Variants in PAX5 observed in about 807,000 individuals in gnomAD.
The protein encoded by PAX5 is paired box 5, also known as paired box protein Pax-5.
Under a neutral mutation model 43.7 loss-of-function variants are expected in PAX5, and 9 were observed. The observed-to-expected ratio is 0.21, with a 90% CI of 0.12 to 0.36. The LOEUF is 0.36. PAX5 is among the 10% of genes least tolerant of loss of function. The probability of loss-of-function intolerance (pLI) is 1.00; values close to 1 mark genes in which losing one functional copy is unlikely to be tolerated. For missense variants in PAX5, 383 were observed against 532.7 expected, an observed-to-expected ratio of 0.72 and a Z score of 2.77; for synonymous variants, 228 against 214.3, an observed-to-expected ratio of 1.06 and a Z score of -0.56.
chr9:36,849,631 G>C (rs1822952964), intron 8 of PAX5, among the ~76,000 whole-genome samples: 2 of 152,238 alleles, frequency 1.3e-5, no homozygotes, highest in African/African-American at 4.8e-5. Flanking sequence ...ACAGCCAGGG[G>C]TGTGTTGGAC....
At chr9:36,994,595 T>C (rs1238699587) in intron 5 of PAX5, among the ~76,000 whole-genome samples, 1 of 152,190 alleles carries the variant, frequency 6.6e-6, no homozygotes, top group Non-Finnish European at 1.5e-5. Flanking sequence ...CTGGTTTCTT[T>C]AGAGTTCATG....
intron 3 of PAX5, among the ~76,000 whole-genome samples, chr9:37,007,188 G>A (rs941466385): frequency 2.6e-5 from 4 of 152,204 alleles, no homozygotes; most frequent in Non-Finnish European, 4.4e-5. Flanking sequence ...CCACAGGGCT[G>A]GAGCCAGTGA....
intron 3 of PAX5, among the ~76,000 whole-genome samples, chr9:37,012,355 A>G (rs1380463788): frequency 1.3e-5 from 2 of 152,142 alleles, no homozygotes; most frequent in African/African-American, 2.4e-5. Flanking sequence ...TCTCCAAGTC[A>G]CTGTTCCTCT....
chr9:36,947,102 T>C (rs535267070), intron 6 of PAX5, among the ~76,000 whole-genome samples: 1 of 152,346 alleles, frequency 6.6e-6, no homozygotes, highest in East Asian at 1.9e-4. Flanking sequence ...AATGAATTTA[T>C]TCAGAGGAGC....
chr9:36,975,368 A>G (rs573889894), intron 5 of PAX5, among the ~76,000 whole-genome samples: 3 of 151,940 alleles, frequency 2.0e-5, no homozygotes, highest in South Asian at 4.2e-4. Context: ...TCACAAGCCC[A>G]TGATATTTGA....
intron 6 of PAX5, among the ~76,000 whole-genome samples, chr9:36,939,646 T>C (rs1831868533): frequency 6.6e-6 from 1 of 152,224 alleles, no homozygotes; most frequent in South Asian, 2.1e-4. Flanking sequence ...TTATGAAGTA[T>C]GGCCAGCTCC....
intron 6 of PAX5, among the ~76,000 whole-genome samples, chr9:36,925,164 G>A (rs986897242): frequency 2.0e-5 from 3 of 152,142 alleles, no homozygotes; most frequent in Admixed American, 2.0e-4. Flanking sequence ...TTACTTCCTG[G>A]GCAGCTAAAG....
Position 36,834,417 on chromosome 9 carries a change from A to AGTGTGTGT in PAX5, c.*6135_*6142dup, listed in dbSNP as rs56175234. On this transcript the variant is annotated 3_prime_UTR_variant, in exon 10 of 10. Coordinates refer to ENST00000358127, the MANE Select transcript of PAX5 (RefSeq NM_016734.3). ...TGTCTGAGGTGTAGGGGAGTGAGTG[A>AGTGTGTGT]GTGTGTGTGTGTGTGTGTGTGTGTG... The AGTGTGTGT allele has an allele frequency of 2.1e-3, 467 of 224,106 alleles. 2 individuals carry two copies. Among genetic ancestry groups the AGTGTGTGT allele is most frequent in the Middle Eastern group, 3.9e-3 (3 of 762 alleles). 13.9% of individuals were successfully genotyped at this position (224,106 alleles called of 1,614,324 possible).
rs2132475469 is a variant in PAX5, at chr9:37,015,733, C to T, written c.213-539G>A. Among the ~76,000 whole-genome samples the T allele has an allele frequency of 6.6e-6, 1 of 152,250 alleles. No individual in the cohort carries two copies. Among genetic ancestry groups the T allele is most frequent in the Middle Eastern group, 3.4e-3 (1 of 294 alleles). ...TAGCTGGGATTACAGGCATGTGCCA[C>T]CATGCCCAGCTAATTTTGTATTTTT... On this transcript the variant is annotated intron_variant, in intron 2 of 9. Transcript: ENST00000358127. This position sits in a 1 kb window ranked among gnomAD's most constrained non-coding sequence, Gnocchi z 4.4.
chr9:36,916,141 G>GAATCTTATTTT (rs1752431214), intron 7 of PAX5, among the ~76,000 whole-genome samples: 2 of 151,858 alleles, frequency 1.3e-5, no homozygotes, highest in Non-Finnish European at 2.9e-5. Flanking sequence ...TGTTCAACCT[G>GAATCTTATTTT]AATCTTATTT....
chr9:36,986,705 C>A (rs539133337), intron 5 of PAX5, among the ~76,000 whole-genome samples: 1 of 152,078 alleles, frequency 6.6e-6, no homozygotes, highest in East Asian at 1.9e-4. Flanking sequence ...ACGGGGCGCC[C>A]GGACCGCGGG....
chr9:36,872,155 A>G (rs2131711964), intron 8 of PAX5, among the ~76,000 whole-genome samples: 1 of 152,310 alleles, frequency 6.6e-6, no homozygotes, highest in Non-Finnish European at 1.5e-5. Context: ...GGCCTTCCCG[A>G]TCGAGACATG....
At chr9:36,866,048 T>A (rs1164329117) in intron 8 of PAX5, among the ~76,000 whole-genome samples, 2 of 152,194 alleles carry the variant, frequency 1.3e-5, no homozygotes, top group African/African-American at 4.8e-5. Flanking sequence ...GGGCTGATGT[T>A]ATTGAAAGGT....
At chr9:36,915,398 T>C (rs1245355058) in intron 7 of PAX5, among the ~76,000 whole-genome samples, 1 of 152,246 alleles carries the variant, frequency 6.6e-6, no homozygotes, top group Admixed American at 6.5e-5. Flanking sequence ...TAAGATGTTT[T>C]TAAGTGTCTC....
At chr9:36,946,183 G>C (rs528244134) in intron 6 of PAX5, among the ~76,000 whole-genome samples, 2 of 151,998 alleles carry the variant, frequency 1.3e-5, no homozygotes, top group African/African-American at 4.8e-5. Flanking sequence ...GGAGTGCTCC[G>C]TCAGGATGCA....
At chr9:36,855,472 C>T (rs1413063579) in intron 8 of PAX5, among the ~76,000 whole-genome samples, 3 of 151,664 alleles carry the variant, frequency 2.0e-5, no homozygotes, top group Non-Finnish European at 2.9e-5. Context: ...CTGTCCTGCC[C>T]TCATCTAAGC....
intron 8 of PAX5, among the ~76,000 whole-genome samples, chr9:36,869,875 A>AATGG (rs1825272791): frequency 2.3e-5 from 1 of 43,044 alleles, no homozygotes; most frequent in Non-Finnish European, 4.9e-5. Context: ...TGGATGGATA[A>AATGG]ATGGATGGAT....
At chr9:36,965,778 A>G (rs1391691898) in intron 6 of PAX5, among the ~76,000 whole-genome samples, 1 of 152,308 alleles carries the variant, frequency 6.6e-6, no homozygotes, top group East Asian at 1.9e-4. Flanking sequence ...AGCCATGTCT[A>G]GCCTGCAAGG....
chr9:37,020,463 G>C (rs1206989422), intron 2 of PAX5, among the ~76,000 whole-genome samples, 173 bp downstream of exon 2: 1 of 152,096 alleles, frequency 6.6e-6, no homozygotes, highest in Admixed American at 6.5e-5. Context: ...CTAGAGACAG[G>C]GGTTTCCAAG....
Sources: allele counts gnomAD v4.1 joint callset (sites outside exome capture counted in the v4.1 genomes callset), GRCh38; gene constraint gnomAD v4.1.1; non-coding constraint Gnocchi (gnomAD v3.1); transcripts MANE v1.5; gene names NCBI Gene and HGNC (gene_info 2026-07-23, HGNC 2026-07-21).